The following ITGA9 variants were observed in gnomAD, a reference collection of about 807,000 sequenced individuals.
ITGA9 encodes the protein integrin subunit alpha 9.
ITGA9 carries 56 observed loss-of-function variants against 127.8 expected under a neutral mutation model. The observed-to-expected ratio is 0.44, with a 90% CI of 0.35 to 0.55. The LOEUF (loss-of-function observed/expected upper bound fraction) is 0.55. ITGA9 is among the 20% of genes least tolerant of loss of function. ITGA9 has a pLI of 0.00. For missense variants in ITGA9, 1,196 were observed against 1,347.1 expected, an observed-to-expected ratio of 0.89 and a Z score of 1.76; for synonymous variants, 508 against 514.5, an observed-to-expected ratio of 0.99 and a Z score of 0.17.
At chr3:37,704,986 G>A (rs1047627843) in intron 18 of ITGA9, among the ~76,000 whole-genome samples, 1 of 152,292 alleles carries the variant, frequency 6.6e-6, no homozygotes, top group South Asian at 2.1e-4. Context: ...TCAGAACTAG[G>A]CATTGCAAAG....
chr3:37,556,715 C>T (rs973267224), intron 15 of ITGA9, among the ~76,000 whole-genome samples: 1 of 152,198 alleles, frequency 6.6e-6, no homozygotes, highest in Non-Finnish European at 1.5e-5. Context: ...GACATAGATA[C>T]CAAAAGTTAC....
At chr3:37,768,045 T>C (rs966512816) in intron 23 of ITGA9, among the ~76,000 whole-genome samples, 1 of 152,236 alleles carries the variant, frequency 6.6e-6, no homozygotes, top group Admixed American at 6.5e-5. Context: ...TAGGTTATCC[T>C]GAGTCTGCAT....
At chr3:37,604,456 A>G (rs1419820253) in intron 15 of ITGA9, among the ~76,000 whole-genome samples, 4 of 152,242 alleles carry the variant, frequency 2.6e-5, no homozygotes, top group Admixed American at 2.6e-4. Flanking sequence ...ATGGGAATCT[A>G]TAGGCTATTG....
intron 15 of ITGA9, among the ~76,000 whole-genome samples, chr3:37,619,325 G>T (rs1004152576): frequency 2.6e-5 from 4 of 152,150 alleles, no homozygotes. Flanking sequence ...ATTAAGTATG[G>T]AATTTATTAC....
chr3:37,647,705 G>A (rs546695737), intron 16 of ITGA9, among the ~76,000 whole-genome samples: 1 of 151,718 alleles, frequency 6.6e-6, no homozygotes, highest in Admixed American at 6.6e-5. Flanking sequence ...TTTAGATTCC[G>A]CAATAAGTGA....
At chr3:37,749,402 T>C (rs1696552529) in intron 22 of ITGA9, 1 of 152,974 alleles carries the variant, frequency 6.5e-6, no homozygotes. Flanking sequence ...CCACATAACA[T>C]TCACAGGTTC....
At chr3:37,493,769 G>A (rs1698697038) in intron 4 of ITGA9, among the ~76,000 whole-genome samples, 1 of 152,168 alleles carries the variant, frequency 6.6e-6, no homozygotes, top group African/African-American at 2.4e-5. Context: ...TGATATGCCT[G>A]GAGACAGCTA....
intron 13 of ITGA9, 136 bp from the exon 14 acceptor site, chr3:37,533,178 T>C: frequency 2.4e-6 from 2 of 831,320 alleles, no homozygotes; most frequent in Non-Finnish European, 4.0e-6. Context: ...TACTAGCCCT[T>C]CTCTCTTGGG....
intron 18 of ITGA9, among the ~76,000 whole-genome samples, chr3:37,718,913 G>A (rs1416204480): frequency 1.3e-5 from 2 of 152,210 alleles, no homozygotes; most frequent in East Asian, 1.9e-4. Flanking sequence ...GAAGGGCTTG[G>A]TGAGAGCAGC....
chr3:37,509,609 C>T (rs1698881068), intron 8 of ITGA9, among the ~76,000 whole-genome samples: 1 of 152,136 alleles, frequency 6.6e-6, no homozygotes, highest in Non-Finnish European at 1.5e-5. Context: ...GCAATTTTAA[C>T]TATCCGAATA....
chr3:37,469,008 G>T (rs533386471), intron 1 of ITGA9, among the ~76,000 whole-genome samples: 2 of 152,362 alleles, frequency 1.3e-5, no homozygotes, highest in African/African-American at 4.8e-5. Context: ...GTGTTGTTTG[G>T]TATTCTTTGC....
intron 18 of ITGA9, among the ~76,000 whole-genome samples, chr3:37,696,868 G>T (rs1161775606): frequency 3.9e-5 from 6 of 152,164 alleles, no homozygotes. Context: ...GAACCAGCAT[G>T]GTGACGTCAC....
intron 23 of ITGA9, among the ~76,000 whole-genome samples, chr3:37,767,986 A>G (rs11712654): frequency 0.15 from 23,144 of 152,196 alleles, 1,968 homozygotes; most frequent in East Asian, 0.33. Context: ...TGTCATTGCA[A>G]TTGAAAAATT....
At chr3:37,748,514 G>A (rs551311461) in intron 22 of ITGA9, 8 of 495,314 alleles carry the variant, frequency 1.6e-5, no homozygotes, top group Admixed American at 2.7e-5. Flanking sequence ...TTGGGAGGCC[G>A]AGGCAGGCGG....
chr3:37,516,954 C>T (rs1698989433), intron 9 of ITGA9, among the ~76,000 whole-genome samples: 2 of 152,182 alleles, frequency 1.3e-5, no homozygotes, highest in South Asian at 4.2e-4. Context: ...GAATAATAGG[C>T]ACAGTGACGT....
At chr3:37,604,010 G>A (rs960836650) in intron 15 of ITGA9, among the ~76,000 whole-genome samples, 6 of 152,246 alleles carry the variant, frequency 3.9e-5, no homozygotes, top group Admixed American at 3.9e-4. Flanking sequence ...TGATGGAACT[G>A]AAAAGCAGGC....
intron 16 of ITGA9, among the ~76,000 whole-genome samples, chr3:37,644,294 G>A (rs1044812197): frequency 2.0e-5 from 3 of 152,148 alleles, no homozygotes; most frequent in African/African-American, 7.2e-5. Flanking sequence ...GCCTTTAGAT[G>A]GATGGAACTG....
At chr3:37,526,502 G>T (rs1184120485) in intron 13 of ITGA9, among the ~76,000 whole-genome samples, 3 of 152,186 alleles carry the variant, frequency 2.0e-5, no homozygotes, top group Non-Finnish European at 4.4e-5. Flanking sequence ...TGTACCTCCA[G>T]TCAGTCCACA....
At chr3:37,512,691 T>G (rs1484107416) in intron 8 of ITGA9, among the ~76,000 whole-genome samples, 4 of 152,188 alleles carry the variant, frequency 2.6e-5, no homozygotes, top group African/African-American at 9.7e-5. Flanking sequence ...TTGGCTTCTT[T>G]TGGAAAATGG....
Sources: allele counts gnomAD v4.1 joint callset (sites outside exome capture counted in the v4.1 genomes callset), GRCh38; gene constraint gnomAD v4.1.1; transcripts MANE v1.5; gene names NCBI Gene and HGNC (gene_info 2026-07-23, HGNC 2026-07-21).